The following GXYLT1 variants were observed in gnomAD, a reference collection of about 807,000 sequenced individuals.
The protein encoded by GXYLT1 is glycosyltransferase 8 domain containing 3.
In GXYLT1, 29 loss-of-function variants were observed where a neutral mutation model predicts 54.0. That is an observed-to-expected ratio of 0.54 (90% CI 0.40 to 0.73). The LOEUF (loss-of-function observed/expected upper bound fraction) is 0.73. Ranked by LOEUF, GXYLT1 falls within the 30% of genes least tolerant of loss-of-function variation. GXYLT1 has a pLI of 0.00. For synonymous variants in GXYLT1, 176 were observed against 204.1 expected (o/e 0.86, Z 1.17); for missense variants, 490 against 553.4 (o/e 0.89, Z 1.15).
chr12:42,114,265 G>T (rs1320879762), intron 3 of GXYLT1, among the ~76,000 whole-genome samples: 1 of 152,080 alleles, frequency 6.6e-6, no homozygotes, highest in Non-Finnish European at 1.5e-5. Context: ...CAGAAGGCAA[G>T]AAATAACAAA....
At chr12:42,097,654 TA>T in intron 6 of GXYLT1, 40 bp from the exon 7 acceptor site, 1 of 1,522,654 alleles carries the variant, frequency 6.6e-7, no homozygotes, top group Non-Finnish European at 9.0e-7. Flanking sequence ...CAAATACCCC[TA>T]ATTCCACAGA....
intron 7 of GXYLT1, among the ~76,000 whole-genome samples, chr12:42,090,507 C>CATT (rs768659779): frequency 2.0e-5 from 3 of 152,198 alleles, no homozygotes; most frequent in Non-Finnish European, 4.4e-5. Context: ...TACAGTTAAT[C>CATT]GTTCCCTCTT....
intron 4 of GXYLT1, among the ~76,000 whole-genome samples, chr12:42,108,581 A>T (rs778649260): frequency 6.6e-6 from 1 of 152,132 alleles, no homozygotes; most frequent in Non-Finnish European, 1.5e-5. Flanking sequence ...ACCAATCTTA[A>T]TCCCTTATTT....
In GXYLT1 at chr12:42,085,465, TA is replaced by T. The variant is rs1318942611; in HGVS notation, c.*2320del. The T allele has an allele frequency of 1.3e-5, 2 of 152,282 alleles. No individual in the cohort carries two copies. The highest frequency in any genetic ancestry group is 4.8e-5 in the African/African-American group (2 of 41,478). The allele number at this position is 152,282 out of a possible 1,614,324, so 9.4% of individuals were successfully genotyped here. ...TTTTATCTTATCAAACTTACTAATA[TA>T]AATTCATATCCTGTCATTAACCCCA... On this transcript the variant is annotated 3_prime_UTR_variant, in exon 8 of 8. Transcript: ENST00000398675.
intron 3 of GXYLT1, among the ~76,000 whole-genome samples, chr12:42,114,374 G>T (rs2065479147): frequency 6.6e-6 from 1 of 152,102 alleles, no homozygotes; most frequent in Non-Finnish European, 1.5e-5. Flanking sequence ...AAAACTGATA[G>T]AACGCTAGCA....
intron 7 of GXYLT1, among the ~76,000 whole-genome samples, chr12:42,091,571 A>C (rs2065329572): frequency 6.6e-6 from 1 of 152,204 alleles, no homozygotes. Context: ...ATACAGTATT[A>C]ATTTCTGAAG....
intron 3 of GXYLT1, among the ~76,000 whole-genome samples, chr12:42,113,157 G>A (rs1308070396): frequency 6.6e-6 from 1 of 150,996 alleles, no homozygotes; most frequent in African/African-American, 2.5e-5. Context: ...GGAACAACCG[G>A]TACCAGCCAC....
At chr12:42,089,004 G>T (rs2065313742) in intron 7 of GXYLT1, among the ~76,000 whole-genome samples, 1 of 151,948 alleles carries the variant, frequency 6.6e-6, no homozygotes, top group African/African-American at 2.4e-5. Context: ...GATGCAAAGA[G>T]ATCCTAAACT....
At chr12:42,109,229 A>G (rs1290379997) in intron 4 of GXYLT1, among the ~76,000 whole-genome samples, 1 of 152,220 alleles carries the variant, frequency 6.6e-6, no homozygotes, top group African/African-American at 2.4e-5. Context: ...TGATAACGCC[A>G]CCGCATTTCT....
At position 42,137,821 on chromosome 12, in the gene GXYLT1, G is replaced by A. The variant is rs139580552; in HGVS notation, c.221+6605C>T. On this transcript the variant is annotated intron_variant, in intron 1 of 7. Transcript: ENST00000398675. ...GCATATTCAGCATAAATATTTGACA[G>A]TATGAATGAAGTGCTGCTGCAAAGC... 9.2e-3 allele frequency among the ~76,000 whole-genome samples: 1,370 copies of A among 148,548 alleles called. 13 individuals are homozygous for A. Among genetic ancestry groups the A allele is most frequent in the Non-Finnish European group, 0.013 (863 of 67,554 alleles).
chr12:42,119,500 A>G (rs2065517929), intron 2 of GXYLT1, among the ~76,000 whole-genome samples: 1 of 152,106 alleles, frequency 6.6e-6, no homozygotes, highest in Admixed American at 6.5e-5. Context: ...AGAAAGAAAG[A>G]AAAACTGAAG....
rs1262050389 is a variant in GXYLT1, at chr12:42,144,425, C to G, written c.221+1G>C. The G allele has an allele frequency of 1.3e-5, 17 of 1,346,542 alleles. No homozygotes were observed. The highest frequency in any genetic ancestry group is 1.5e-5 in the Non-Finnish European group (16 of 1,052,782). The allele number at this position is 1,346,542 out of a possible 1,614,324, so 83.4% of individuals were successfully genotyped here. A position where few individuals can be genotyped will look rare whatever the true frequency, so the allele number is the denominator to read the frequency against. ...TCCCCCACACCGGGAACTGCCCGTA[C>G]CTGTCCGACACGCCGGGATGCGCTG... On this transcript the variant is annotated splice_donor_variant, in intron 1 of 7. Coordinates refer to ENST00000398675, the MANE Select transcript of GXYLT1 (RefSeq NM_173601.2). LOFTEE classifies it high-confidence loss of function.
At chr12:42,098,680 T>C (rs2065371450) in intron 5 of GXYLT1, among the ~76,000 whole-genome samples, 1 of 149,740 alleles carries the variant, frequency 6.7e-6, no homozygotes, top group East Asian at 2.0e-4. Flanking sequence ...ACTGGCCTTT[T>C]TATGATGGAT....
intron 7 of GXYLT1, among the ~76,000 whole-genome samples, chr12:42,092,544 T>A (rs1338144335): frequency 6.6e-6 from 1 of 151,648 alleles, no homozygotes; most frequent in African/African-American, 2.4e-5. Context: ...CCCCCATCAA[T>A]CCACCCCAAT....
rs571113770 is a variant in GXYLT1, at chr12:42,109,502, T to C, written c.612+64A>G. Reference sequence around the variant, plus strand: ...ATATGTAACTCTTCAGAGACTCATGTGTAAAAGTAAGGTTCAAATTTAAAA... The same window carrying C: ...ATATGTAACTCTTCAGAGACTCATGCGTAAAAGTAAGGTTCAAATTTAAAA... On this transcript the variant is annotated intron_variant, in intron 4 of 7. Transcript: ENST00000398675. 3.3e-5 allele frequency: 38 copies of C among 1,146,492 alleles called. No homozygotes were observed. The South Asian group carries it at 8.5e-4, about 26-fold the overall frequency. The allele number at this position is 1,146,492 out of a possible 1,614,324, so 71.0% of individuals were successfully genotyped here.
chr12:42,113,030 T>A (rs1044721982), intron 3 of GXYLT1, among the ~76,000 whole-genome samples: 1 of 151,062 alleles, frequency 6.6e-6, no homozygotes, highest in Admixed American at 6.6e-5. Context: ...CCAGCCAAAC[T>A]AAGCTTCATA....
intron 1 of GXYLT1, among the ~76,000 whole-genome samples, chr12:42,139,986 C>A (rs942218643): frequency 2.6e-5 from 4 of 151,918 alleles, no homozygotes; most frequent in African/African-American, 9.7e-5. Flanking sequence ...TGGAGACCAT[C>A]CTGGCTAACA....
intron 5 of GXYLT1, among the ~76,000 whole-genome samples, chr12:42,102,204 T>G (rs2065394318): frequency 6.6e-6 from 1 of 152,146 alleles, no homozygotes; most frequent in Admixed American, 6.5e-5. Context: ...CATATAAAAT[T>G]AAAGCGCATT....
In GXYLT1 at chr12:42,109,669, T is replaced by C. The variant is rs1432138416; in HGVS notation, c.509A>G (p.Gln170Arg). Residue 170 changes from glutamine to arginine, a missense_variant, in exon 4 of 8, where the codon CAA (glutamine) becomes CGA (arginine). This residue lies in a region of GXYLT1 where 342 missense variants were observed against 342.6 expected (regional missense o/e 1.00). Transcript: ENST00000398675. ...KGRLDNWSFL[Q>R]TFNYTLYPIT... ...GGGGTATAACGTATAATTAAATGTT[T>C]GTAGAAATGACCAGTTGTCAAGCTA... is the stretch of plus-strand genomic sequence containing the variant. The C allele has an allele frequency of 2.6e-6, 4 of 1,536,312 alleles. No homozygotes were observed. Among genetic ancestry groups the C allele is most frequent in the Non-Finnish European group, 3.5e-6 (4 of 1,129,428 alleles).
Sources: gnomAD v4.1 joint callset for allele counts (sites outside exome capture counted in the v4.1 genomes callset) on GRCh38, gnomAD v4.1.1 for gene constraint, gnomAD v4.1.1 regional missense constraint, MANE v1.5 for transcripts, NCBI Gene and HGNC (gene_info 2026-07-23, HGNC 2026-07-21) for gene names.